The following CEP112 variants were observed in gnomAD, a reference collection of about 807,000 sequenced individuals.
The protein encoded by CEP112 is centrosomal protein 112, also known as centrosomal protein of 112 kDa.
CEP112 carries 127 observed loss-of-function variants against 153.0 expected under a neutral mutation model. That is an observed-to-expected ratio of 0.83 (90% confidence interval 0.72 to 0.96). The LOEUF (loss-of-function observed/expected upper bound fraction) is 0.96, where lower values mean the gene tolerates loss of function less well. Among genes scored for constraint, CEP112 ranks in the 40% least tolerant of loss-of-function variants. The pLI is 0.00. For synonymous variants in CEP112, 358 were observed against 374.4 expected (o/e 0.96, Z 0.51); for missense variants, 1,089 against 1,101.2 (o/e 0.99, Z 0.16).
chr17:65,777,309 A>T (rs191334422), intron 21 of CEP112, among the ~76,000 whole-genome samples: 4 of 151,774 alleles, frequency 2.6e-5, no homozygotes, highest in Non-Finnish European at 5.9e-5. Flanking sequence ...AGAGAAATAA[A>T]CTCTCTTGTT....
chr17:66,057,984 T>C (rs1706286859), intron 11 of CEP112, among the ~76,000 whole-genome samples: 1 of 151,910 alleles, frequency 6.6e-6, no homozygotes, highest in Non-Finnish European at 1.5e-5. Flanking sequence ...TTCCAGCTAC[T>C]TGGGAGGCTG....
chr17:65,994,481 C>T (rs1051948355), intron 17 of CEP112, among the ~76,000 whole-genome samples: 1 of 152,124 alleles, frequency 6.6e-6, no homozygotes, highest in African/African-American at 2.4e-5. Flanking sequence ...AGGCATGTGC[C>T]ACCCAGCCAG....
chr17:65,663,679 T>C (rs1054755015), intron 24 of CEP112, among the ~76,000 whole-genome samples: 1 of 152,194 alleles, frequency 6.6e-6, no homozygotes, highest in African/African-American at 2.4e-5. Context: ...CCCTGAACAA[T>C]GCTGAATGCC....
intron 6 of CEP112, among the ~76,000 whole-genome samples, chr17:66,097,099 A>G (rs1037144289): frequency 2.0e-5 from 3 of 152,164 alleles, no homozygotes; most frequent in Non-Finnish European, 4.4e-5. Context: ...ATACCTTTCT[A>G]ATAGCAAAGA....
intron 12 of CEP112, among the ~76,000 whole-genome samples, chr17:66,044,102 A>C (rs1383293037): frequency 2.6e-5 from 4 of 152,214 alleles, no homozygotes; most frequent in Admixed American, 6.5e-5. Flanking sequence ...AACTTTCATT[A>C]AAAATAGAAT....
At chr17:65,884,381 G>C (rs2059195470) in intron 20 of CEP112, among the ~76,000 whole-genome samples, 1 of 152,118 alleles carries the variant, frequency 6.6e-6, no homozygotes. Flanking sequence ...AAAAAAGAGG[G>C]AACTAAAACA....
chr17:66,130,174 T>C (rs1244604283), intron 5 of CEP112, among the ~76,000 whole-genome samples: 1 of 151,946 alleles, frequency 6.6e-6, no homozygotes, highest in Non-Finnish European at 1.5e-5. Context: ...AAGTAATGAC[T>C]GCTGAGGGCT....
At chr17:65,757,913 T>C (rs2052382246) in intron 21 of CEP112, among the ~76,000 whole-genome samples, 1 of 152,146 alleles carries the variant, frequency 6.6e-6, no homozygotes, top group South Asian at 2.1e-4. Context: ...TTTTTATAGC[T>C]ATCATTTGTA....
At position 66,132,077 on chromosome 17, in the gene CEP112, G is replaced by C. The variant is rs913657813; in HGVS notation, c.564+593C>G. On this transcript the variant is annotated intron_variant, in intron 5 of 26. Transcript: ENST00000535342. The stretch of plus-strand genomic sequence containing the variant: ...TCAGCTACTTGGGAGGCTGAGGCAG[G>C]AGAATGGCTTGAACCCGGGAGGCGG... 4.8e-5 allele frequency among the ~76,000 whole-genome samples: 7 copies of C among 145,498 alleles called. No individual in the cohort carries two copies. The Admixed American group carries it at 5.0e-4, about 10-fold the overall frequency.
At chr17:65,973,274 A>T (rs1421650880) in intron 17 of CEP112, among the ~76,000 whole-genome samples, 1 of 152,258 alleles carries the variant, frequency 6.6e-6, no homozygotes, top group Non-Finnish European at 1.5e-5. Context: ...CATCAAAATT[A>T]AAAACACCTG....
chr17:65,802,607 A>G (rs763528066), intron 21 of CEP112, among the ~76,000 whole-genome samples: 5 of 152,130 alleles, frequency 3.3e-5, no homozygotes, highest in Non-Finnish European at 5.9e-5. Context: ...CTCCTATCAA[A>G]TCTTACAACA....
At chr17:66,185,187 A>G (rs942057266) in intron 1 of CEP112, among the ~76,000 whole-genome samples, 1 of 147,986 alleles carries the variant, frequency 6.8e-6, no homozygotes, top group East Asian at 2.0e-4. Context: ...GGCAAGAACT[A>G]TATGCCAAAA....
intron 20 of CEP112, among the ~76,000 whole-genome samples, chr17:65,865,144 C>T (rs1201255993): frequency 2.0e-5 from 3 of 151,948 alleles, no homozygotes; most frequent in African/African-American, 7.3e-5. Context: ...CAGGCTCAAG[C>T]GATCCTCCCA....
intron 19 of CEP112, among the ~76,000 whole-genome samples, chr17:65,911,108 A>C (rs1663283377): frequency 6.6e-6 from 1 of 152,208 alleles, no homozygotes; most frequent in African/African-American, 2.4e-5. Context: ...AGCATGCAAA[A>C]ATACAGTGAA....
At chr17:66,139,399 T>G (rs1332776849) in intron 4 of CEP112, among the ~76,000 whole-genome samples, 1 of 151,884 alleles carries the variant, frequency 6.6e-6, no homozygotes, top group African/African-American at 2.4e-5. Context: ...AGCCCAGGAG[T>G]ACATGACCAG....
At chr17:65,689,068 G>T in intron 24 of CEP112, 61 bp downstream of exon 24, 1 of 1,222,458 alleles carries the variant, frequency 8.2e-7, no homozygotes. Flanking sequence ...GCACCTGGCT[G>T]CACACACTTC....
intron 19 of CEP112, among the ~76,000 whole-genome samples, chr17:65,918,821 C>T (rs188512878): frequency 4.2e-4 from 64 of 152,354 alleles, no homozygotes; most frequent in African/African-American, 1.5e-3. Context: ...CTTTCCACAT[C>T]TGCACACTTT....
At chr17:65,669,645 T>C (rs956540499) in intron 24 of CEP112, among the ~76,000 whole-genome samples, 1 of 152,226 alleles carries the variant, frequency 6.6e-6, no homozygotes, top group Non-Finnish European at 1.5e-5. Flanking sequence ...GGCTCATGCC[T>C]GTAATCCCAG....
Position 66,070,008 on chromosome 17 carries a change from G to GA in CEP112, c.769-8dup. The stretch of plus-strand genomic sequence containing the variant: ...TTTTTGTTTTCATGTCCAGCTTCAA[G>GA]AAAAATATTTCAAGGGTGTTATTAA... On this transcript the variant is annotated splice_polypyrimidine_tract_variant and splice_region_variant and intron_variant, in intron 8 of 26. Coordinates refer to ENST00000535342, the MANE Select transcript of CEP112 (RefSeq NM_001199165.4). 6.4e-7 allele frequency: 1 copy of GA among 1,560,478 alleles called. No homozygotes were observed. Among genetic ancestry groups the GA allele is most frequent in the Non-Finnish European group, 8.8e-7 (1 of 1,135,764 alleles).
Sources: allele counts gnomAD v4.1 joint callset (sites outside exome capture counted in the v4.1 genomes callset), GRCh38; gene constraint gnomAD v4.1.1; transcripts MANE v1.5; gene names NCBI Gene and HGNC (gene_info 2026-07-23, HGNC 2026-07-21).